Variants in SOX6 observed in about 807,000 individuals in gnomAD.
The protein encoded by SOX6 is SRY-box transcription factor 6.
Under a neutral mutation model 97.8 loss-of-function variants are expected in SOX6, and 11 were observed. The ratio of observed to expected loss-of-function variants is 0.11; its 90% CI spans 0.07 to 0.19. The LOEUF (loss-of-function observed/expected upper bound fraction) is 0.19. SOX6 is among the 10% of genes least tolerant of loss of function. The probability of loss-of-function intolerance (pLI) is 1.00; values close to 1 mark genes in which losing one functional copy is unlikely to be tolerated. For missense variants in SOX6, 810 were observed against 1,039.5 expected, an observed-to-expected ratio of 0.78 and a Z score of 3.04; for synonymous variants, 360 against 371.4, an observed-to-expected ratio of 0.97 and a Z score of 0.35.
intron 9 of SOX6, among the ~76,000 whole-genome samples, chr11:16,066,255 C>T (rs1848091332): frequency 6.6e-6 from 1 of 151,960 alleles, no homozygotes; most frequent in African/African-American, 2.4e-5. Context: ...AAAAGACGGT[C>T]AATAACAAAC....
chr11:16,038,206 C>T (rs1855566753), intron 12 of SOX6, among the ~76,000 whole-genome samples: 1 of 152,032 alleles, frequency 6.6e-6, no homozygotes, highest in Admixed American at 6.6e-5. Context: ...CTTGAGCATC[C>T]AGGAATTTTG....
chr11:16,530,036 G>T (rs764904378), intron 4 of SOX6, among the ~76,000 whole-genome samples: 1 of 151,900 alleles, frequency 6.6e-6, no homozygotes, highest in Non-Finnish European at 1.5e-5. Flanking sequence ...TCCAAAATTT[G>T]TGATTGTATA....
chr11:16,205,103 A>G (rs1852038659), intron 4 of SOX6, among the ~76,000 whole-genome samples: 1 of 152,152 alleles, frequency 6.6e-6, no homozygotes, highest in Non-Finnish European at 1.5e-5. Context: ...TAATTTAACA[A>G]TGAAATGCTC....
At chr11:16,266,556 G>A (rs1259176897) in intron 3 of SOX6, among the ~76,000 whole-genome samples, 1 of 151,456 alleles carries the variant, frequency 6.6e-6, no homozygotes, top group African/African-American at 2.4e-5. Context: ...ATTATTTAAT[G>A]ATAATTTGCT....
intron 13 of SOX6, among the ~76,000 whole-genome samples, chr11:16,004,736 C>T (rs1195948075): frequency 6.6e-6 from 1 of 152,024 alleles, no homozygotes; most frequent in Admixed American, 6.6e-5. Flanking sequence ...GCTAATCCAA[C>T]AAAGGCAACC....
intron 4 of SOX6, among the ~76,000 whole-genome samples, chr11:16,204,606 C>G (rs1348346271): frequency 6.6e-6 from 1 of 151,982 alleles, no homozygotes; most frequent in Non-Finnish European, 1.5e-5. Flanking sequence ...CCCAATCAGC[C>G]CAGCTTATTT....
At chr11:16,390,995 T>C (rs1203755102) in intron 1 of SOX6, among the ~76,000 whole-genome samples, 1 of 152,162 alleles carries the variant, frequency 6.6e-6, no homozygotes, top group East Asian at 1.9e-4. Flanking sequence ...ATATACACCA[T>C]GGAATACTAT....
chr11:16,362,669 A>G (rs1158884636), intron 1 of SOX6, among the ~76,000 whole-genome samples: 1 of 152,172 alleles, frequency 6.6e-6, no homozygotes, highest in Non-Finnish European at 1.5e-5. Flanking sequence ...TGGAAGAAAC[A>G]TGAAAAAGCA....
intron 3 of SOX6, among the ~76,000 whole-genome samples, chr11:16,713,348 G>A (rs949681801): frequency 3.3e-5 from 5 of 151,516 alleles, no homozygotes; most frequent in African/African-American, 9.7e-5. Context: ...AAAAATTTGA[G>A]AATATAGACA....
At chr11:16,176,931 T>G (rs1017382780) in intron 6 of SOX6, among the ~76,000 whole-genome samples, 1 of 151,882 alleles carries the variant, frequency 6.6e-6, no homozygotes, top group African/African-American at 2.4e-5. Context: ...TATACCTCAG[T>G]TTCCTCGTGT....
intron 2 of SOX6, among the ~76,000 whole-genome samples, chr11:16,735,613 G>A (rs538460623): frequency 1.1e-4 from 17 of 152,248 alleles, no homozygotes; most frequent in African/African-American, 3.9e-4. Flanking sequence ...TTTGGAATTA[G>A]ACTTAAGGAC....
intron 1 of SOX6, chr11:16,402,715 G>A: frequency 6.2e-7 from 1 of 1,610,496 alleles, no homozygotes; most frequent in Non-Finnish European, 8.5e-7. Context: ...CTAAACTGTA[G>A]GTATTTGTTC....
At position 16,132,423 on chromosome 11, in the gene SOX6, AAG is replaced by A. The variant is rs1188744501; in HGVS notation, c.778-20502_778-20501del. ...GAAAAAAGAAAGAAAGAAAGAAAGAAAGAAAGAAAGAAAGAAAGAAAAAAGAA... is the reference window on the plus strand; with the variant it reads ...GAAAAAAGAAAGAAAGAAAGAAAGAAAAAGAAAGAAAGAAAGAAAAAAGAA... On this transcript the variant is annotated intron_variant, in intron 6 of 15. Coordinates refer to ENST00000683767, the MANE Select transcript of SOX6 (RefSeq NM_001367873.1). 2.4e-3 allele frequency among the ~76,000 whole-genome samples: 276 copies of A among 114,082 alleles called. 22 individuals are homozygous for A. The highest frequency in any genetic ancestry group is 9.8e-3 in the African/African-American group (254 of 25,972). 74.8% of individuals were successfully genotyped at this position (114,082 alleles called of 152,430 possible). A position where few individuals can be genotyped will look rare whatever the true frequency, so the allele number is the denominator to read the frequency against.
At chr11:16,490,425 A>G (rs1165920791) in intron 4 of SOX6, among the ~76,000 whole-genome samples, 1 of 152,078 alleles carries the variant, frequency 6.6e-6, no homozygotes, top group Non-Finnish European at 1.5e-5. Context: ...AGTGTGTTCT[A>G]TATACCACTT....
intron 3 of SOX6, among the ~76,000 whole-genome samples, chr11:16,292,539 T>C (rs1304722338): frequency 1.3e-5 from 2 of 152,138 alleles, no homozygotes; most frequent in Non-Finnish European, 2.9e-5. Context: ...ACTAGACCTT[T>C]GTTGGTATCC....
intron 2 of SOX6, among the ~76,000 whole-genome samples, chr11:16,336,542 A>G (rs1856466236): frequency 6.6e-6 from 1 of 152,126 alleles, no homozygotes; most frequent in Non-Finnish European, 1.5e-5. Flanking sequence ...CACCACTGCA[A>G]TGGTTTCCTA....
At chr11:16,600,336 GT>G (rs1459077454) in intron 4 of SOX6, among the ~76,000 whole-genome samples, 1 of 152,172 alleles carries the variant, frequency 6.6e-6, no homozygotes, top group Non-Finnish European at 1.5e-5. Flanking sequence ...GTGCTTAGAA[GT>G]TTTTTACTAA....
chr11:16,354,154 T>C (rs1337753551), intron 1 of SOX6, among the ~76,000 whole-genome samples: 1 of 151,882 alleles, frequency 6.6e-6, no homozygotes, highest in Non-Finnish European at 1.5e-5. Flanking sequence ...ACTCTCTGAG[T>C]CTCTATGTAC....
At chr11:16,183,271 T>A (rs1851390054) in intron 6 of SOX6, among the ~76,000 whole-genome samples, 1 of 151,996 alleles carries the variant, frequency 6.6e-6, no homozygotes, top group Non-Finnish European at 1.5e-5. Flanking sequence ...GTAATTATGA[T>A]CTATATATTT....
Sources: gnomAD v4.1 joint callset for allele counts (sites outside exome capture counted in the v4.1 genomes callset) on GRCh38, gnomAD v4.1.1 for gene constraint, MANE v1.5 for transcripts, NCBI Gene and HGNC (gene_info 2026-07-23, HGNC 2026-07-21) for gene names.